ADAM17: variants seen among roughly 807,000 people sequenced by gnomAD.
ADAM17 encodes disintegrin and metalloproteinase domain-containing protein 17.
A neutral mutation model predicts 96.7 loss-of-function variants in ADAM17; 39 were observed. That is an observed-to-expected ratio of 0.40 (90% CI 0.31 to 0.53). ADAM17 has a LOEUF of 0.53. Among genes scored for constraint, ADAM17 ranks in the 20% least tolerant of loss-of-function variants. The pLI, the probability that ADAM17 is intolerant of heterozygous loss-of-function variation, is 0.44. For missense variants in ADAM17, 777 were observed against 1,013.2 expected (o/e 0.77, Z 3.17); for synonymous variants, 344 against 359.2 (o/e 0.96, Z 0.48).
chr2:9,498,942 T>G (rs1662813673), intron 13 of ADAM17, among the ~76,000 whole-genome samples: 1 of 152,168 alleles, frequency 6.6e-6, no homozygotes, highest in South Asian at 2.1e-4. Context: ...TTAGCATGCA[T>G]GGAAATCACC....
chr2:9,537,685 T>C (rs1665014922), intron 2 of ADAM17, among the ~76,000 whole-genome samples: 1 of 150,806 alleles, frequency 6.6e-6, no homozygotes, highest in Admixed American at 6.6e-5. Context: ...TGAGCCGAGA[T>C]CGCCAGCCTG....
At chr2:9,506,552 A>C (rs1279838030) in intron 11 of ADAM17, among the ~76,000 whole-genome samples, 2 of 151,778 alleles carry the variant, frequency 1.3e-5, no homozygotes, top group East Asian at 3.9e-4. Flanking sequence ...TTTTTTGTAG[A>C]AACAGGGTTT....
At chr2:9,522,409 C>T in intron 7 of ADAM17, 1 of 579,036 alleles carries the variant, frequency 1.7e-6, no homozygotes, top group Non-Finnish European at 3.2e-6. Context: ...GGCTTTTGTA[C>T]TGTGTACATG....
chr2:9,525,163 G>A (rs1018012703), intron 6 of ADAM17, among the ~76,000 whole-genome samples: 2 of 151,906 alleles, frequency 1.3e-5, no homozygotes, highest in African/African-American at 4.8e-5. Flanking sequence ...GCCGAGTGCT[G>A]TGGTTCACGC....
At chr2:9,514,858 C>A (rs905891386) in intron 10 of ADAM17, among the ~76,000 whole-genome samples, 8 of 151,840 alleles carry the variant, frequency 5.3e-5, no homozygotes, top group African/African-American at 1.9e-4. Context: ...ATGGGAGACA[C>A]AGCGAGACTC....
intron 2 of ADAM17, among the ~76,000 whole-genome samples, chr2:9,537,697 T>C (rs1268256949): frequency 6.6e-6 from 1 of 151,616 alleles, no homozygotes; most frequent in Non-Finnish European, 1.5e-5. Flanking sequence ...GCCAGCCTGG[T>C]TGACAGCGCG....
intron 5 of ADAM17, 21 bp from the exon 6 acceptor site, chr2:9,526,265 C>T: frequency 6.2e-7 from 1 of 1,600,458 alleles, no homozygotes; most frequent in Non-Finnish European, 8.5e-7. Context: ...TTTGTATGCA[C>T]TATTAAATCA....
At chr2:9,513,245 C>T (rs1466464295) in intron 10 of ADAM17, among the ~76,000 whole-genome samples, 6 of 152,174 alleles carry the variant, frequency 3.9e-5, no homozygotes, top group East Asian at 1.9e-4. Flanking sequence ...CTACCCACCT[C>T]GGCCTCCCAA....
At chr2:9,497,307 G>T in intron 13 of ADAM17, 59 bp from the exon 14 acceptor site, 1 of 1,599,680 alleles carries the variant, frequency 6.3e-7, no homozygotes, top group Non-Finnish European at 8.5e-7. Context: ...CAGTTCTACA[G>T]GTGCATAATA....
At chr2:9,546,960 G>A (rs1486269358) in intron 1 of ADAM17, among the ~76,000 whole-genome samples, 1 of 152,134 alleles carries the variant, frequency 6.6e-6, no homozygotes, top group Non-Finnish European at 1.5e-5. Context: ...ACCCACTTCG[G>A]CCTCCCAAAG....
chr2:9,553,136 A>G (rs1291346586), intron 1 of ADAM17, among the ~76,000 whole-genome samples: 3 of 152,208 alleles, frequency 2.0e-5, no homozygotes. Context: ...GACAACTGAC[A>G]GCATCTTCCT....
At chr2:9,495,678 C>T (rs1662523413) in intron 14 of ADAM17, among the ~76,000 whole-genome samples, 1 of 150,438 alleles carries the variant, frequency 6.6e-6, no homozygotes, top group African/African-American at 2.5e-5. Context: ...CGCGCCACTG[C>T]ACTCCAGCCT....
intron 13 of ADAM17, 88 bp from the exon 14 acceptor site, chr2:9,497,336 T>C: frequency 6.5e-7 from 1 of 1,544,370 alleles, no homozygotes; most frequent in Non-Finnish European, 8.7e-7. Context: ...CTCATACAAG[T>C]GAGCATCTTA....
Position 9,526,071 on chromosome 2 carries a change from A to T in ADAM17, c.753+40T>A, listed in dbSNP as rs188575467. ...AGTTTCATGGAATGTACCCACCCAAATTTTTTTTTCAATTACTCGATGCAA... is the reference window on the plus strand; with the variant it reads ...AGTTTCATGGAATGTACCCACCCAATTTTTTTTTTCAATTACTCGATGCAA... On this transcript the variant is annotated intron_variant, in intron 6 of 18. Transcript: ENST00000310823. The T allele has an allele frequency of 9.5e-4, 1,458 of 1,531,678 alleles. 13 individuals carry two copies. In the African/African-American group the frequency reaches 0.017, roughly 18 times the overall value. The allele number at this position is 1,531,678 out of a possible 1,614,324, so 94.9% of individuals were successfully genotyped here. A position where few individuals can be genotyped will look rare whatever the true frequency, so the allele number is the denominator to read the frequency against.
Position 9,489,809 on chromosome 2 carries a change from G to A in ADAM17, c.*368C>T. On this transcript the variant is annotated 3_prime_UTR_variant, in exon 19 of 19. Coordinates refer to ENST00000310823, the MANE Select transcript of ADAM17 (RefSeq NM_003183.6). ...GCCTCATATTCAGCGGTTCATTACAGTGTATAAAAAAAAACTGATCATTTC... is the reference window on the plus strand; with the variant it reads ...GCCTCATATTCAGCGGTTCATTACAATGTATAAAAAAAAACTGATCATTTC... The A allele has an allele frequency of 8.4e-6, 1 of 119,460 alleles. No homozygotes were observed. The highest frequency in any genetic ancestry group is 2.3e-4 in the South Asian group (1 of 4,348). 7.4% of individuals were successfully genotyped at this position (119,460 alleles called of 1,614,324 possible).
intron 1 of ADAM17, among the ~76,000 whole-genome samples, chr2:9,553,828 C>T (rs1005171010): frequency 6.6e-6 from 1 of 152,140 alleles, no homozygotes; most frequent in Non-Finnish European, 1.5e-5. Flanking sequence ...CTTAGGGAGG[C>T]CCAGGTGGGC....
intron 10 of ADAM17, among the ~76,000 whole-genome samples, chr2:9,517,108 T>C (rs1016249384): frequency 1.7e-4 from 26 of 152,188 alleles, no homozygotes; most frequent in Non-Finnish European, 2.9e-5. Context: ...TCCTGCTTGT[T>C]CTTGAGCCAC....
intron 12 of ADAM17, among the ~76,000 whole-genome samples, chr2:9,502,790 A>C (rs1410315140): frequency 6.7e-6 from 1 of 150,262 alleles, no homozygotes; most frequent in Non-Finnish European, 1.5e-5. Flanking sequence ...GAGGCAGGAG[A>C]ATCGCCTGGA....
At chr2:9,512,520 A>C (rs1484725842) in intron 10 of ADAM17, 2 of 152,196 alleles carry the variant, frequency 1.3e-5, no homozygotes, top group African/African-American at 2.4e-5. Flanking sequence ...AATCCTCAGG[A>C]AACAGAATCT....
Sources: allele counts gnomAD v4.1 joint callset (sites outside exome capture counted in the v4.1 genomes callset), GRCh38; gene constraint gnomAD v4.1.1; transcripts MANE v1.5; gene names NCBI Gene and HGNC (gene_info 2026-07-23, HGNC 2026-07-21).